The following PRMT8 variants were observed in gnomAD, a reference collection of about 807,000 sequenced individuals.
PRMT8 encodes the protein protein arginine N-methyltransferase 8.
A neutral mutation model predicts 47.1 loss-of-function variants in PRMT8; 7 were observed. The observed-to-expected ratio is 0.15, with a 90% confidence interval of 0.08 to 0.28. The LOEUF is 0.28. Among genes scored for constraint, PRMT8 ranks in the 10% least tolerant of loss-of-function variants. The pLI, the probability that PRMT8 is intolerant of heterozygous loss-of-function variation, is 1.00. For synonymous variants in PRMT8, 188 were observed against 186.5 expected, an observed-to-expected ratio of 1.01 and a Z score of -0.07; for missense variants, 237 against 505.4, an observed-to-expected ratio of 0.47 and a Z score of 5.09.
Position 3,508,501 on chromosome 12 carries a change from C to T in PRMT8, c.75+16801C>T, listed in dbSNP as rs148824429. Among the ~76,000 whole-genome samples, 163 of 152,196 alleles carry T rather than the reference C, an allele frequency of 1.1e-3. No individual in the cohort carries two copies. The highest frequency in any genetic ancestry group is 3.5e-3 in the African/African-American group (146 of 41,514). On this transcript the variant is annotated intron_variant, in intron 1 of 9. Transcript: ENST00000382622. The surrounding 1 kb of genome is among the most constrained non-coding windows in gnomAD (Gnocchi z 4.9). Reference sequence around the variant, plus strand: ...TGTGAGAAACATGTTAAGGTGAGGCCGGGCGTGGGAATAGTTGAGGGAGAG... The same window carrying T: ...TGTGAGAAACATGTTAAGGTGAGGCTGGGCGTGGGAATAGTTGAGGGAGAG...
intron 1 of PRMT8, among the ~76,000 whole-genome samples, chr12:3,498,863 A>G (rs1028401544): frequency 1.3e-5 from 2 of 152,230 alleles, no homozygotes; most frequent in East Asian, 3.8e-4. Context: ...CTTCTTCCAC[A>G]GTTCTGGAAG....
chr12:3,581,158 G>A (rs1166220867), intron 7 of PRMT8, among the ~76,000 whole-genome samples: 1 of 152,202 alleles, frequency 6.6e-6, no homozygotes, highest in Non-Finnish European at 1.5e-5. Context: ...ACCTGATGTG[G>A]TCAGTATAAC....
intron 1 of PRMT8, among the ~76,000 whole-genome samples, chr12:3,529,518 A>C (rs979452308): frequency 6.6e-6 from 1 of 152,182 alleles, no homozygotes; most frequent in Non-Finnish European, 1.5e-5. Context: ...TCTAGCCAGA[A>C]TGCCAGTATT....
chr12:3,402,274 T>C (rs1322866541), intron 1 of PRMT8, among the ~76,000 whole-genome samples: 1 of 152,208 alleles, frequency 6.6e-6, no homozygotes, highest in Admixed American at 6.5e-5. Flanking sequence ...GCTAGCCATA[T>C]GGCGAAAATT....
At chr12:3,476,336 T>C (rs1865214539) in intron 1 of PRMT8, among the ~76,000 whole-genome samples, 2 of 152,174 alleles carry the variant, frequency 1.3e-5, no homozygotes, top group Admixed American at 1.3e-4. Context: ...ACACGTGGGC[T>C]TGTTGGGTAC....
intron 4 of PRMT8, among the ~76,000 whole-genome samples, chr12:3,556,710 T>G (rs1157564554): frequency 6.6e-6 from 1 of 152,206 alleles, no homozygotes; most frequent in Non-Finnish European, 1.5e-5. Context: ...GTGTATGTGA[T>G]TCACTGGTGT....
intron 2 of PRMT8, among the ~76,000 whole-genome samples, chr12:3,548,648 A>G (rs1474429065): frequency 6.6e-6 from 1 of 152,252 alleles, no homozygotes; most frequent in African/African-American, 2.4e-5. Flanking sequence ...ATCAGTTTAC[A>G]TCCACTAGGA....
At chr12:3,459,528 A>C (rs4766126) in intron 1 of PRMT8, among the ~76,000 whole-genome samples, 101,580 of 152,050 alleles carry the variant, frequency 0.67, 34,047 homozygotes, top group Middle Eastern at 0.7. Flanking sequence ...CTCTTACACC[A>C]TCGGAGTCAG....
chr12:3,442,026 G>A (rs1864808456), intron 1 of PRMT8, among the ~76,000 whole-genome samples: 1 of 152,148 alleles, frequency 6.6e-6, no homozygotes, highest in Non-Finnish European at 1.5e-5. Context: ...TACTAACCAT[G>A]AAAACACAAC....
intron 1 of PRMT8, among the ~76,000 whole-genome samples, chr12:3,496,214 A>ATATATATATATTTTTTTTTTTTT: frequency 3.6e-5 from 1 of 27,774 alleles, no homozygotes; most frequent in African/African-American, 8.8e-5. Flanking sequence ...ATATATATAT[A>ATATATATATATTTTTTTTTTTTT]TTTTTTTTTT....
chr12:3,507,815 G>A (rs1171141720), intron 1 of PRMT8, among the ~76,000 whole-genome samples: 2 of 147,262 alleles, frequency 1.4e-5, no homozygotes, highest in South Asian at 2.1e-4. Flanking sequence ...CTGGAGTGCA[G>A]TGGTGCGATC....
rs953774606 is a variant in PRMT8 at position 3,593,024 on chromosome 12, G to A, written c.1102-75G>A. 1 of 1,162,292 alleles carries A rather than the reference G, an allele frequency of 8.6e-7. No homozygotes were observed. The highest frequency in any genetic ancestry group is 1.5e-5 in the African/African-American group (1 of 65,996). 72.0% of individuals were successfully genotyped at this position (1,162,292 alleles called of 1,614,324 possible). Reference sequence around the variant, plus strand: ...CCCATCCCTGTGGTTCCAGGAGCAGGTGGTGCCAGAGAGTGGGGCTGTGGC... The same window carrying A: ...CCCATCCCTGTGGTTCCAGGAGCAGATGGTGCCAGAGAGTGGGGCTGTGGC... On this transcript the variant is annotated intron_variant, in intron 9 of 9. Transcript: ENST00000382622. The surrounding 1 kb of genome is among the most constrained non-coding windows in gnomAD (Gnocchi z 4.8).
At chr12:3,429,139 G>C (rs1864644496) in intron 1 of PRMT8, among the ~76,000 whole-genome samples, 1 of 152,096 alleles carries the variant, frequency 6.6e-6, no homozygotes, top group African/African-American at 2.4e-5. Context: ...AACCACTGTG[G>C]GTGGGGCGGA....
chr12:3,591,179 G>T (rs558049811), intron 8 of PRMT8, among the ~76,000 whole-genome samples: 1 of 152,118 alleles, frequency 6.6e-6, no homozygotes, highest in African/African-American at 2.4e-5. Context: ...TGTGCTGAGA[G>T]GGGAGGGAAG....
intron 1 of PRMT8, among the ~76,000 whole-genome samples, chr12:3,405,624 T>C (rs1229584099): frequency 6.6e-6 from 1 of 152,146 alleles, no homozygotes; most frequent in Admixed American, 6.5e-5. Context: ...ATGAGAGAAA[T>C]TGGCCAAAAG....
Position 3,508,752 on chromosome 12 carries a change from C to T in PRMT8, c.75+17052C>T, listed in dbSNP as rs568888364. On this transcript the variant is annotated intron_variant, in intron 1 of 9. Transcript: ENST00000382622. This position sits in a 1 kb window ranked among gnomAD's most constrained non-coding sequence, Gnocchi z 4.9. ...CAGCCCACATCTCTCCTCTGAGATACGCGAGGCATAGCTGCCTGCCTGCGG... is the reference window on the plus strand; with the variant it reads ...CAGCCCACATCTCTCCTCTGAGATATGCGAGGCATAGCTGCCTGCCTGCGG... Among the ~76,000 whole-genome samples the T allele has an allele frequency of 2.9e-4, 44 of 152,258 alleles. No homozygotes were observed. The highest frequency in any genetic ancestry group is 1.1e-3 in the African/African-American group (44 of 41,540).
chr12:3,428,564 T>C (rs956272128), intron 1 of PRMT8, among the ~76,000 whole-genome samples: 4 of 152,188 alleles, frequency 2.6e-5, no homozygotes. Context: ...TATTGGAGTG[T>C]TATAGGGTCA....
At chr12:3,551,308 G>A (rs1032619766) in intron 3 of PRMT8, 14 of 152,300 alleles carry the variant, frequency 9.2e-5, no homozygotes, top group African/African-American at 3.1e-4. Flanking sequence ...GTTCTCAGCC[G>A]AGGCACTTGC....
At chr12:3,466,709 G>C (rs1865100012) in intron 1 of PRMT8, among the ~76,000 whole-genome samples, 1 of 152,290 alleles carries the variant, frequency 6.6e-6, no homozygotes, top group East Asian at 1.9e-4. Flanking sequence ...GCCTTTGACA[G>C]TTTTATCAAT....
Sources: gnomAD v4.1 joint callset for allele counts (sites outside exome capture counted in the v4.1 genomes callset) on GRCh38, gnomAD v4.1.1 for gene constraint, Gnocchi (gnomAD v3.1) non-coding constraint, MANE v1.5 for transcripts, NCBI Gene and HGNC (gene_info 2026-07-23, HGNC 2026-07-21) for gene names.